The following DOT1L variants were observed in gnomAD, a reference collection of about 807,000 sequenced individuals.
The protein encoded by DOT1L is histone-lysine N-methyltransferase, H3 lysine-79 specific.
DOT1L carries 33 observed loss-of-function variants against 153.3 expected under a neutral mutation model. The ratio of observed to expected loss-of-function variants is 0.22; its 90% CI spans 0.16 to 0.29. The LOEUF is 0.29. DOT1L is among the 10% of genes least tolerant of loss of function. DOT1L has a pLI of 1.00. For missense variants in DOT1L, 1,847 were observed against 2,119.9 expected (o/e 0.87, Z 2.53); for synonymous variants, 1,135 against 965.1 (o/e 1.18, Z -3.26).
At chr19:2,189,863 A>G (rs1255430461) in intron 4 of DOT1L, 68 bp downstream of exon 4, 2 of 1,541,582 alleles carry the variant, frequency 1.3e-6, no homozygotes, top group East Asian at 2.3e-5. Context: ...CAGACCCCTT[A>G]TGTCACCGCC....
rs544715510 is a variant in DOT1L at position 2,179,401 on chromosome 19, G to C, written c.82-1312G>C. Among the ~76,000 whole-genome samples the C allele has an allele frequency of 5.3e-5, 8 of 152,258 alleles. No homozygotes were observed. The East Asian group carries it at 7.7e-4, about 15-fold the overall frequency. ...GCTGAGGCTGCACGGCTGCCTGGGCGGCCTCTGACGCGCCCTGTGGACTGC... is the reference window on the plus strand; with the variant it reads ...GCTGAGGCTGCACGGCTGCCTGGGCCGCCTCTGACGCGCCCTGTGGACTGC... On this transcript the variant is annotated intron_variant, in intron 1 of 27. Coordinates refer to ENST00000398665, the MANE Select transcript of DOT1L (RefSeq NM_032482.3).
rs2023593836 is a variant in DOT1L, at chr19:2,208,578, G to A, written c.964-357G>A. ...CTGCTTCAGCTGCCCTGGCACTGAC[G>A]CCCTCGGCGCAGCCTCTCGCCTTCT... On this transcript the variant is annotated intron_variant, in intron 11 of 27. Coordinates refer to ENST00000398665, the MANE Select transcript of DOT1L (RefSeq NM_032482.3). This position sits in a 1 kb window ranked among gnomAD's most constrained non-coding sequence, Gnocchi z 4.4. Among the ~76,000 whole-genome samples, 1 of 152,186 alleles carries A rather than the reference G, an allele frequency of 6.6e-6. No homozygotes were observed. The highest frequency in any genetic ancestry group is 2.4e-5 in the African/African-American group (1 of 41,442).
At chr19:2,165,457 G>T (rs2144629537) in intron 1 of DOT1L, among the ~76,000 whole-genome samples, 1 of 152,348 alleles carries the variant, frequency 6.6e-6, no homozygotes, top group Admixed American at 6.5e-5. Context: ...GGCTGGCGGG[G>T]TAGGGCCCTG....
intron 7 of DOT1L, among the ~76,000 whole-genome samples, chr19:2,195,822 G>A (rs978175229): frequency 6.6e-6 from 1 of 152,246 alleles, no homozygotes; most frequent in Non-Finnish European, 1.5e-5. Context: ...GAATCCGCAA[G>A]TTTGCAGAAG....
At position 2,190,307 on chromosome 19, in the gene DOT1L, C is replaced by T. The variant is rs1018832762; in HGVS notation, c.264+512C>T. On this transcript the variant is annotated intron_variant, in intron 4 of 27. Transcript: ENST00000398665. This position sits in a 1 kb window ranked among gnomAD's most constrained non-coding sequence, Gnocchi z 4.8. ...TAGCAGGGAGGGGAACGTGCTGCTT[C>T]CCATGTTCTAGAAAGCACCGGGGGC... is the stretch of plus-strand genomic sequence containing the variant. Among the ~76,000 whole-genome samples, 1 of 152,144 alleles carries T rather than the reference C, an allele frequency of 6.6e-6. No individual in the cohort carries two copies. The highest frequency in any genetic ancestry group is 1.5e-5 in the Non-Finnish European group (1 of 68,002).
intron 1 of DOT1L, among the ~76,000 whole-genome samples, chr19:2,171,042 A>G (rs1394052816): frequency 6.6e-6 from 1 of 152,128 alleles, no homozygotes; most frequent in Non-Finnish European, 1.5e-5. Flanking sequence ...TGCTGACTGC[A>G]TTCTCCGCCT....
intron 2 of DOT1L, 47 bp from the exon 3 acceptor site, chr19:2,185,808 C>CAA: frequency 6.3e-7 from 1 of 1,593,854 alleles, no homozygotes; most frequent in Non-Finnish European, 8.6e-7. Flanking sequence ...CAAAACAAAA[C>CAA]AAAAAAAACC....
At position 2,222,532 on chromosome 19, in the gene DOT1L, G is replaced by A. The variant is rs180686526; in HGVS notation, c.3363G>A (p.Ser1121=). The A allele has an allele frequency of 1.1e-5, 17 of 1,559,536 alleles. 1 individual carries two copies. In the Middle Eastern group the frequency reaches 6.8e-4, roughly 62 times the overall value. ...TCGCTGGCCTTTTCACACAGCCTTC[G>A]GGGTCTCCCCTCAACCTCAACTCCA... ...PSVAGLFTQP[S]GSPLNLNSMV... Residue 1121 remains serine, a synonymous_variant, in exon 24 of 28, where the codon TCG becomes TCA. Transcript: ENST00000398665. The surrounding 1 kb of genome is among the most constrained non-coding windows in gnomAD (Gnocchi z 6.5).
At position 2,217,149 on chromosome 19, in the gene DOT1L, C is replaced by A. The variant is rs1172922586; in HGVS notation, c.2544+59C>A. 2 of 1,502,042 alleles carry A rather than the reference C, an allele frequency of 1.3e-6. No individual in the cohort carries two copies. Among genetic ancestry groups the A allele is most frequent in the Admixed American group, 2.2e-5 (1 of 46,222 alleles). 93.0% of individuals were successfully genotyped at this position (1,502,042 alleles called of 1,614,324 possible). A position where few individuals can be genotyped will look rare whatever the true frequency, so the allele number is the denominator to read the frequency against. On this transcript the variant is annotated intron_variant, in intron 21 of 27. Transcript: ENST00000398665. This position sits in a 1 kb window ranked among gnomAD's most constrained non-coding sequence, Gnocchi z 7.3. The stretch of plus-strand genomic sequence containing the variant: ...AGGTGCTCAGCAGAGGCGGCCTGAG[C>A]GAGTTGCTAGCAGGAGGGCTTGTCC...
intron 19 of DOT1L, chr19:2,215,958 CCACA>C: frequency 3.7e-6 from 1 of 267,428 alleles, no homozygotes; most frequent in Non-Finnish European, 7.0e-6. Context: ...GCGTGTCCCT[CCACA>C]GGTTTTACAC....
chr19:2,164,186 TGGG>T lies in DOT1L; in HGVS notation c.5_7del (p.Gly2?). ...GGTGCGGCGGCCGCGCGCGCGGACA[TGGG>T]GGAGAAGCTGGAGCTGAGACTGAAG... is the stretch of plus-strand genomic sequence containing the variant. On this transcript the variant is annotated start_lost and inframe_deletion, in exon 1 of 28. Coordinates refer to ENST00000398665, the MANE Select transcript of DOT1L (RefSeq NM_032482.3). The T allele has an allele frequency of 8.9e-7, 1 of 1,126,332 alleles. No individual in the cohort carries two copies. Among genetic ancestry groups the T allele is most frequent in the East Asian group, 5.0e-5 (1 of 20,032 alleles). The allele number at this position is 1,126,332 out of a possible 1,614,324, so 69.8% of individuals were successfully genotyped here.
chr19:2,167,329 G>GC (rs1217146523), intron 1 of DOT1L, among the ~76,000 whole-genome samples: 1 of 152,226 alleles, frequency 6.6e-6, no homozygotes, highest in African/African-American at 2.4e-5. Flanking sequence ...TAGTGGTCTT[G>GC]CCAGGGACCC....
intron 15 of DOT1L, 33 bp downstream of exon 15, chr19:2,211,245 C>T: frequency 3.2e-6 from 5 of 1,561,084 alleles, no homozygotes; most frequent in Non-Finnish European, 4.4e-6. Context: ...GCGAAGGGTT[C>T]TGGGCTTGGG....
At chr19:2,180,403 C>T (rs564454694) in intron 1 of DOT1L, among the ~76,000 whole-genome samples, 88 of 152,244 alleles carry the variant, frequency 5.8e-4, no homozygotes, top group African/African-American at 2.0e-3. Context: ...GAGCTTGGGG[C>T]GGCCGTTTGC....
intron 1 of DOT1L, among the ~76,000 whole-genome samples, chr19:2,178,146 G>C (rs2022040913): frequency 6.7e-6 from 1 of 149,452 alleles, no homozygotes; most frequent in African/African-American, 2.5e-5. Flanking sequence ...TAGCCAGGCT[G>C]GTCTTGAACT....
rs2023062605 is a variant in DOT1L, at chr19:2,197,274, C to T, written c.652-2610C>T. ...CCAAATGCTGTGCCCACAGTGGAAG[C>T]TGTGTGGTGTCCTGGGTTCTGGGTC... On this transcript the variant is annotated intron_variant, in intron 7 of 27. Transcript: ENST00000398665. The surrounding 1 kb of genome is among the most constrained non-coding windows in gnomAD (Gnocchi z 4.1). Among the ~76,000 whole-genome samples, 1 of 152,224 alleles carries T rather than the reference C, an allele frequency of 6.6e-6. No homozygotes were observed. The highest frequency in any genetic ancestry group is 2.4e-5 in the African/African-American group (1 of 41,470).
chr19:2,171,853 C>A (rs1313293710), intron 1 of DOT1L, among the ~76,000 whole-genome samples: 1 of 152,188 alleles, frequency 6.6e-6, no homozygotes, highest in Non-Finnish European at 1.5e-5. Context: ...GACACAGATT[C>A]AAGTGCCCAG....
rs201615369 is a variant in DOT1L at position 2,211,145 on chromosome 19, C to T, written c.1398C>T (p.Ser466=). 2,033 of 1,612,992 alleles carry T rather than the reference C, an allele frequency of 1.3e-3. 12 individuals carry two copies. The highest frequency in any genetic ancestry group is 9.5e-4 in the Non-Finnish European group (1,118 of 1,179,776). The change falls in exon 15 of 28, where the codon AGC becomes AGT. Residue 466 remains serine, a synonymous_variant. Transcript: ENST00000398665. ...PHSPFYQLPP[S]VQRHSPNPLL... ...GCCCGTTCTACCAGCTACCTCCGAG[C>T]GTGCAGCGGCACTCCCCCAACCCGC...
rs190365745 is a variant in DOT1L, at chr19:2,187,571, C to T, written c.200+1642C>T. 2.4e-4 allele frequency among the ~76,000 whole-genome samples: 36 copies of T among 152,212 alleles called. 1 individual carries two copies. In the East Asian group the frequency reaches 4.4e-3, roughly 19 times the overall value. ...CCAGGGAAGAGTCTCTTCCCAGGAGCGTGCAGAGGTGATTTTGGGAAGGTC... is the reference window on the plus strand; with the variant it reads ...CCAGGGAAGAGTCTCTTCCCAGGAGTGTGCAGAGGTGATTTTGGGAAGGTC... On this transcript the variant is annotated intron_variant, in intron 3 of 27. Transcript: ENST00000398665.
Sources: allele counts gnomAD v4.1 joint callset (sites outside exome capture counted in the v4.1 genomes callset), GRCh38; gene constraint gnomAD v4.1.1; non-coding constraint Gnocchi (gnomAD v3.1); transcripts MANE v1.5; gene names NCBI Gene and HGNC (gene_info 2026-07-23, HGNC 2026-07-21).